The following SLC47A2 variants were observed in gnomAD, a reference collection of about 807,000 sequenced individuals.
SLC47A2 encodes the protein multidrug and toxin extrusion protein 2.
Under a neutral mutation model 67.7 loss-of-function variants are expected in SLC47A2, and 52 were observed. The observed-to-expected ratio is 0.77, with a 90% CI of 0.61 to 0.97. The LOEUF is 0.97. SLC47A2 is among the 50% of genes least tolerant of loss of function. The pLI, the probability that SLC47A2 is intolerant of heterozygous loss-of-function variation, is 0.00. For synonymous variants in SLC47A2, 278 were observed against 292.9 expected, an observed-to-expected ratio of 0.95 and a Z score of 0.52; for missense variants, 676 against 712.3, an observed-to-expected ratio of 0.95 and a Z score of 0.58.
chr17:19,715,173 A>G lies in SLC47A2; in HGVS notation c.168T>C (p.Thr56=). 6.2e-7 allele frequency: 1 copy of G among 1,612,228 alleles called. No individual in the cohort carries two copies. ...CCTTGCCCAGGTGCCCGCAGAACAC[A>G]GTGCTCACGATGTAGATCATAAAAG... ...VLTFMIYIVS[T]VFCGHLGKVE... The change falls in exon 2 of 17, where the codon ACT becomes ACC. Residue 56 remains threonine, a synonymous_variant. Transcript: ENST00000433844.
In SLC47A2 at chr17:19,704,190, G is replaced by A. The variant is rs766559232; in HGVS notation, c.910-12C>T. 4 of 1,598,122 alleles carry A rather than the reference G, an allele frequency of 2.5e-6. No homozygotes were observed. The Admixed American group carries it at 5.2e-5, about 21-fold the overall frequency. On this transcript the variant is annotated splice_polypyrimidine_tract_variant and intron_variant, in intron 10 of 16. Coordinates refer to ENST00000433844, the MANE Select transcript of SLC47A2 (RefSeq NM_001099646.3). ...AGCCCCAAGGGAATCTGGGATCAAA[G>A]ATAAGAAAGCACTGTCAGTGGGCCC... is the stretch of plus-strand genomic sequence containing the variant.
At chr17:19,705,712 C>T (rs1008547950) in intron 9 of SLC47A2, among the ~76,000 whole-genome samples, 1 of 152,130 alleles carries the variant, frequency 6.6e-6, no homozygotes, top group Non-Finnish European at 1.5e-5. Context: ...GATCCTCCCA[C>T]CTCAGGCCCC....
Position 19,713,894 on chromosome 17 carries a change from G to A in SLC47A2, c.374C>T (p.Pro125Leu), listed in dbSNP as rs1053935001. 5 of 1,613,908 alleles carry A rather than the reference G, an allele frequency of 3.1e-6. No homozygotes were observed. The highest frequency in any genetic ancestry group is 1.7e-4 in the Middle Eastern group (1 of 6,024). ...GGTGTTGAGGAAGAGCGCCCAGCAAGGGAGGCAGCAGAGGAGCAGGACCAG... is the reference window on the plus strand; with the variant it reads ...GGTGTTGAGGAAGAGCGCCCAGCAAAGGAGGCAGCAGAGGAGCAGGACCAG... ...GALVLLLCCL[P>L]CWALFLNTQH... is the part of the protein sequence containing the mutation. Residue 125 changes from proline (P) to leucine (L), a missense_variant, in exon 4 of 17, where the codon CCT becomes CTT. By Grantham distance (98) the Pro-to-Leu change is moderately conservative (BLOSUM62 -3). Coordinates refer to ENST00000433844, the MANE Select transcript of SLC47A2 (RefSeq NM_001099646.3).
At chr17:19,682,365 A>ACACAC (rs55725189) in intron 13 of SLC47A2, among the ~76,000 whole-genome samples, 1 of 147,318 alleles carries the variant, frequency 6.8e-6, no homozygotes, top group East Asian at 1.9e-4. Flanking sequence ...ACACACACAC[A>ACACAC]AATTTATTAT....
intron 13 of SLC47A2, among the ~76,000 whole-genome samples, chr17:19,689,433 ATGC>A (rs1315905834): frequency 2.4e-4 from 36 of 152,350 alleles, no homozygotes; most frequent in Admixed American, 5.9e-4. Flanking sequence ...ACGCTGGCTT[ATGC>A]CTGTAATCCT....
At chr17:19,693,817 T>C (rs1468626780) in intron 13 of SLC47A2, among the ~76,000 whole-genome samples, 1 of 151,748 alleles carries the variant, frequency 6.6e-6, no homozygotes, top group African/African-American at 2.4e-5. Context: ...CAAAACAACA[T>C]TGTATTGGAG....
At chr17:19,714,983 G>A (rs959556306) in intron 2 of SLC47A2, 133 bp downstream of exon 2, 26 of 1,262,920 alleles carry the variant, frequency 2.1e-5, no homozygotes, top group Non-Finnish European at 3.0e-5. Flanking sequence ...TTCCACCTGT[G>A]AAGGCAGCTG....
intron 13 of SLC47A2, among the ~76,000 whole-genome samples, chr17:19,683,878 T>C (rs2085365372): frequency 6.6e-6 from 1 of 152,040 alleles, no homozygotes. Flanking sequence ...ACTAGAAAGC[T>C]AGACTTAAAA....
chr17:19,713,825 C>T lies in SLC47A2; in HGVS notation c.443G>A (p.Arg148Lys), dbSNP rs749707480. ...CCTCCCCAGCCGGAGCCCAGCGCAC[C>T]TGGACACGTCCGGGTCCTGCCGGAA... is the stretch of plus-strand genomic sequence containing the variant. ...LLFRQDPDVS[R>K]LTQDYVMIFI... The change falls in exon 4 of 17, where the codon AGG becomes AAG. Residue 148 changes from arginine (R) to lysine (K), a missense_variant and splice_region_variant. Transcript: ENST00000433844. The T allele has an allele frequency of 1.2e-6, 2 of 1,610,646 alleles. No individual in the cohort carries two copies. Among genetic ancestry groups the T allele is most frequent in the Non-Finnish European group, 1.7e-6 (2 of 1,178,578 alleles).
chr17:19,691,981 G>A (rs2085551129), intron 13 of SLC47A2, among the ~76,000 whole-genome samples: 1 of 152,146 alleles, frequency 6.6e-6, no homozygotes, highest in Non-Finnish European at 1.5e-5. Flanking sequence ...TGTAATCCCA[G>A]CACTTTGGGA....
upstream of SLC47A2, chr17:19,718,523 T>C (rs2086308043): frequency 6.6e-6 from 1 of 152,348 alleles, no homozygotes; most frequent in Admixed American, 6.5e-5. Context: ...GGTCGGGTCA[T>C]CTTCCCGAGG....
At chr17:19,715,705 T>C (rs2086240666) in intron 1 of SLC47A2, 1 of 130,424 alleles carries the variant, frequency 7.7e-6, no homozygotes, top group African/African-American at 3.0e-5. Context: ...TTGTTTTTTT[T>C]GTTTTTTTTT....
chr17:19,708,437 T>G (rs1283016367), intron 6 of SLC47A2, 38 bp from the exon 7 acceptor site: 15 of 1,613,538 alleles, frequency 9.3e-6, no homozygotes, highest in Non-Finnish European at 1.2e-5. Context: ...AAGGTGTGAG[T>G]GAGATGGATG....
chr17:19,698,769 G>A (rs2085721147), intron 13 of SLC47A2, among the ~76,000 whole-genome samples: 1 of 152,188 alleles, frequency 6.6e-6, no homozygotes, highest in South Asian at 2.1e-4. Flanking sequence ...GCAGTGTTAA[G>A]TATATAGCCA....
intron 15 of SLC47A2, 90 bp from the exon 16 acceptor site, chr17:19,680,129 T>C: frequency 9.4e-6 from 12 of 1,282,424 alleles, no homozygotes; most frequent in Admixed American, 2.2e-5. Context: ...TTTTAAAACA[T>C]TGCAAGCTGA....
At position 19,707,798 on chromosome 17, in the gene SLC47A2, G is replaced by T. The variant is rs2085983460; in HGVS notation, c.675C>A (p.Val225=). 2.5e-6 allele frequency: 4 copies of T among 1,605,234 alleles called. No homozygotes were observed. Among genetic ancestry groups the T allele is most frequent in the Non-Finnish European group, 3.4e-6 (4 of 1,175,934 alleles). The change falls in exon 8 of 17, where the codon GTC becomes GTA. Residue 225 remains valine, a synonymous_variant. Transcript: ENST00000433844. Reference sequence around the variant, plus strand: ...TCAGCACAATGTAGAGAAGGAGGAAGACGGTCTGTGCAAACTGGGAGATGA... The same window carrying T: ...TCAGCACAATGTAGAGAAGGAGGAATACGGTCTGTGCAAACTGGGAGATGA... ...ANIISQFAQT[V]FLLLYIVLKK... is the part of the protein sequence containing the mutation.
At position 19,714,737 on chromosome 17, in the gene SLC47A2, T is replaced by A; in HGVS notation, c.278A>T (p.Asp93Val). 6.2e-7 allele frequency: 1 copy of A among 1,614,016 alleles called. No individual in the cohort carries two copies. The highest frequency in any genetic ancestry group is 8.5e-7 in the Non-Finnish European group (1 of 1,180,018). Residue 93 changes from aspartate to valine, a missense_variant, in exon 3 of 17, where the codon GAC becomes GTC. By Grantham distance (152) the Asp-to-Val change is radical. Transcript: ENST00000433844. The stretch of plus-strand genomic sequence containing the variant: ...GCCACCCACCTGAGACATCAAGGTG[T>A]CACATGCCGAAGACAAACCAACTCC... Reference protein sequence around the residue: ...SVGVGLSSACDTLMSQSFGSP... With the variant: ...SVGVGLSSACVTLMSQSFGSP...
Position 19,704,055 on chromosome 17 carries a change from G to A in SLC47A2, c.1018+15C>T, listed in dbSNP as rs373806596. On this transcript the variant is annotated intron_variant, in intron 11 of 16. Coordinates refer to ENST00000433844, the MANE Select transcript of SLC47A2 (RefSeq NM_001099646.3). The stretch of plus-strand genomic sequence containing the variant: ...GCCAACGTTTGAAGGCCCACCAGGA[G>A]AGGACTCCACCTACCTATGCTGAGC... The A allele has an allele frequency of 2.3e-5, 37 of 1,589,384 alleles. No individual in the cohort carries two copies. Among genetic ancestry groups the A allele is most frequent in the Non-Finnish European group, 2.6e-5 (31 of 1,170,136 alleles).
chr17:19,694,318 G>A (rs1312088224), intron 13 of SLC47A2, among the ~76,000 whole-genome samples: 2 of 152,182 alleles, frequency 1.3e-5, no homozygotes, highest in Non-Finnish European at 2.9e-5. Context: ...AGTCAAAAGA[G>A]TTTGGGGACA....
Sources: gnomAD v4.1 joint callset for allele counts (sites outside exome capture counted in the v4.1 genomes callset) on GRCh38, gnomAD v4.1.1 for gene constraint, MANE v1.5 for transcripts, NCBI Gene and HGNC (gene_info 2026-07-23, HGNC 2026-07-21) for gene names.